Variants in PIK3CA observed in about 807,000 individuals in gnomAD.
The protein encoded by PIK3CA is phosphatidylinositol 4,5-bisphosphate 3-kinase catalytic subunit alpha isoform.
Under a neutral mutation model 138.2 loss-of-function variants are expected in PIK3CA, and 27 were observed. The ratio of observed to expected loss-of-function variants is 0.20; its 90% confidence interval spans 0.14 to 0.27. The LOEUF is 0.27. Among genes scored for constraint, PIK3CA ranks in the 10% least tolerant of loss-of-function variants. The pLI is 1.00. For missense variants in PIK3CA, 544 were observed against 1,277.4 expected, an observed-to-expected ratio of 0.43 and a Z score of 8.75; for synonymous variants, 358 against 413.2, an observed-to-expected ratio of 0.87 and a Z score of 1.62.
chr3:179,234,196 A>G lies in PIK3CA; in HGVS notation c.3039A>G (p.Leu1013=), dbSNP rs1374583730. The G allele has an allele frequency of 1.2e-6, 2 of 1,613,792 alleles. No individual in the cohort carries two copies. Among genetic ancestry groups the G allele is most frequent in the African/African-American group, 1.3e-5 (1 of 75,036 alleles). ...SMMLGSGMPE[L]QSFDDIAYIR... The stretch of plus-strand genomic sequence containing the variant: ...TGCTTGGCTCTGGAATGCCAGAACT[A>G]CAATCTTTTGATGACATTGCATACA... The change falls in exon 21 of 21, where the codon CTA becomes CTG. Residue 1013 remains leucine, a synonymous_variant. Transcript: ENST00000263967. The surrounding 1 kb of genome is among the most constrained non-coding windows in gnomAD (Gnocchi z 5.1).
intron 9 of PIK3CA, among the ~76,000 whole-genome samples, chr3:179,213,078 G>A (rs1724755584): frequency 6.6e-6 from 1 of 152,062 alleles, no homozygotes; most frequent in Middle Eastern, 3.2e-3. Context: ...AAAAACAATA[G>A]TGAGCTAAGA....
At chr3:179,211,249 T>A (rs1334315071) in intron 9 of PIK3CA, among the ~76,000 whole-genome samples, 1 of 152,094 alleles carries the variant, frequency 6.6e-6, no homozygotes. Context: ...TGCAAACATA[T>A]ATAAAGATGC....
At chr3:179,188,776 T>G (rs1417227282) in intron 1 of PIK3CA, among the ~76,000 whole-genome samples, 2 of 152,206 alleles carry the variant, frequency 1.3e-5, no homozygotes, top group Non-Finnish European at 2.9e-5. Flanking sequence ...TTATGAAATA[T>G]ATATCGTTTT....
chr3:179,169,457 T>C (rs2108360906), intron 1 of PIK3CA, among the ~76,000 whole-genome samples: 1 of 152,328 alleles, frequency 6.6e-6, no homozygotes, highest in South Asian at 2.1e-4. Context: ...CTTCAATCTT[T>C]TGTGTTACTT....
rs111795256 is a variant in PIK3CA at position 179,208,178 on chromosome 3, A to G, written c.1146-1417A>G. ...ATAGACCATATTTTTAAAAATCTTT[A>G]TCCATACTTGAGCAAAAATGCTAGA... On this transcript the variant is annotated intron_variant, in intron 6 of 20. Transcript: ENST00000263967. Among the ~76,000 whole-genome samples the G allele has an allele frequency of 1.6e-3, 243 of 152,242 alleles. 3 individuals carry two copies. Among genetic ancestry groups the G allele is most frequent in the African/African-American group, 5.4e-3 (225 of 41,544 alleles).
At chr3:179,161,977 G>T (rs776194256) in intron 1 of PIK3CA, among the ~76,000 whole-genome samples, 1 of 152,018 alleles carries the variant, frequency 6.6e-6, no homozygotes, top group East Asian at 1.9e-4. Context: ...TAGACCCTGG[G>T]TATATAATGG....
intron 1 of PIK3CA, among the ~76,000 whole-genome samples, chr3:179,170,076 G>GCGCA (rs1553815527): frequency 0.012 from 1,717 of 139,262 alleles, 47 homozygotes; most frequent in East Asian, 0.082. Context: ...ACGCGCGCGC[G>GCGCA]CACACACACA....
At chr3:179,224,270 A>G in intron 15 of PIK3CA, 83 bp downstream of exon 15, 1 of 676,058 alleles carries the variant, frequency 1.5e-6, no homozygotes, top group South Asian at 1.9e-5. Flanking sequence ...AATGTCTGTT[A>G]TAATTAGAAT....
At chr3:179,197,406 G>A (rs749827977) in intron 1 of PIK3CA, among the ~76,000 whole-genome samples, 62 of 152,214 alleles carry the variant, frequency 4.1e-4, no homozygotes, top group African/African-American at 1.5e-3. Context: ...CTTGATGACC[G>A]CATTATGTGC....
intron 7 of PIK3CA, 151 bp downstream of exon 7, chr3:179,209,851 G>T (rs1052399002): frequency 4.3e-6 from 2 of 466,652 alleles, no homozygotes; most frequent in African/African-American, 4.0e-5. Flanking sequence ...TATCATGGAA[G>T]AATACCTTGG....
Position 179,196,997 on chromosome 3 carries a change from C to T in PIK3CA, c.-76-1753C>T, listed in dbSNP as rs61796469. Among the ~76,000 whole-genome samples, 509 of 151,996 alleles carry T rather than the reference C, an allele frequency of 3.3e-3. 3 individuals carry two copies. The highest frequency in any genetic ancestry group is 4.1e-3 in the Non-Finnish European group (281 of 67,952). Reference sequence around the variant, plus strand: ...AGAGGAGTCAGGGATGGCAGGTTTCCTCTCTTCTTTCTTGTTGTGTTTGTT... The same window carrying T: ...AGAGGAGTCAGGGATGGCAGGTTTCTTCTCTTCTTTCTTGTTGTGTTTGTT... On this transcript the variant is annotated intron_variant, in intron 1 of 20. Transcript: ENST00000263967.
chr3:179,204,397 C>T (rs1331800723), intron 5 of PIK3CA, 106 bp from the exon 6 acceptor site: 1 of 554,166 alleles, frequency 1.8e-6, no homozygotes, highest in Admixed American at 2.5e-5. Flanking sequence ...GAGAACCAAG[C>T]TATATCTGAA....
chr3:179,191,698 G>A (rs962090616), intron 1 of PIK3CA, among the ~76,000 whole-genome samples: 6 of 152,080 alleles, frequency 3.9e-5, no homozygotes, highest in African/African-American at 1.4e-4. Context: ...GTGCAATGGC[G>A]CAGTCTCGGC....
At position 179,218,232 on chromosome 3, in the gene PIK3CA, A is replaced by G. The variant is rs1724885947; in HGVS notation, c.1562A>G (p.Asn521Ser). 1.2e-6 allele frequency: 2 copies of G among 1,607,170 alleles called. No homozygotes were observed. The highest frequency in any genetic ancestry group is 1.1e-5 in the South Asian group (1 of 90,110). Residue 521 changes from asparagine (N) to serine (S), a missense_variant, in exon 10 of 21, where the codon AAT becomes AGT. By Grantham distance (46) the Asn-to-Ser change is conservative (BLOSUM62 1). Transcript: ENST00000263967. ...AGLSNRLARD[N>S]ELRENDKEQL... is the part of the protein sequence containing the mutation. ...CAGAGTAACAGACTAGCTAGAGACA[A>G]TGAATTAAGGGAAAATGACAAAGAA...
At chr3:179,212,976 A>G (rs1464137594) in intron 9 of PIK3CA, among the ~76,000 whole-genome samples, 2 of 152,204 alleles carry the variant, frequency 1.3e-5, no homozygotes, top group South Asian at 2.1e-4. Flanking sequence ...AAATTTACAC[A>G]TGGATTTTCA....
chr3:179,182,107 C>T (rs1243673675), intron 1 of PIK3CA, among the ~76,000 whole-genome samples: 1 of 152,122 alleles, frequency 6.6e-6, no homozygotes, highest in South Asian at 2.1e-4. Context: ...CTTAAAGTTC[C>T]CTTTTTCAAA....
At chr3:179,224,215 A>T (rs201030772) in intron 15 of PIK3CA, 28 bp downstream of exon 15, 31 of 1,028,730 alleles carry the variant, frequency 3.0e-5, no homozygotes, top group Non-Finnish European at 4.1e-5. Context: ...TCATTGATAT[A>T]TTTAAATAAA....
chr3:179,215,880 A>G (rs1437162797), intron 9 of PIK3CA, among the ~76,000 whole-genome samples: 5 of 152,098 alleles, frequency 3.3e-5, no homozygotes, highest in East Asian at 1.9e-4. Flanking sequence ...GAGTTTCCCA[A>G]CCTCAGCACT....
Position 179,238,081 on chromosome 3 carries a change from G to C in PIK3CA, c.*3717G>C, listed in dbSNP as rs1453547425. 4.4e-6 allele frequency: 1 copy of C among 225,302 alleles called. No individual in the cohort carries two copies. The highest frequency in any genetic ancestry group is 2.2e-5 in the African/African-American group (1 of 44,840). 14.0% of individuals were successfully genotyped at this position (225,302 alleles called of 1,614,324 possible). A position where few individuals can be genotyped will look rare whatever the true frequency, so the allele number is the denominator to read the frequency against. Reference sequence around the variant, plus strand: ...AATGTGAGGGGAGGGGGCAGAACAGGGAGGAGTTGTTTGAATGAATTACAT... The same window carrying C: ...AATGTGAGGGGAGGGGGCAGAACAGCGAGGAGTTGTTTGAATGAATTACAT... On this transcript the variant is annotated 3_prime_UTR_variant, in exon 21 of 21. Transcript: ENST00000263967.
Sources: gnomAD v4.1 joint callset for allele counts (sites outside exome capture counted in the v4.1 genomes callset) on GRCh38, gnomAD v4.1.1 for gene constraint, Gnocchi (gnomAD v3.1) non-coding constraint, MANE v1.5 for transcripts, NCBI Gene and HGNC (gene_info 2026-07-23, HGNC 2026-07-21) for gene names.